CHID1: variants seen among roughly 807,000 people sequenced by gnomAD.
The protein encoded by CHID1 is chitinase domain containing 1.
Under a neutral mutation model 55.4 loss-of-function variants are expected in CHID1, and 44 were observed. The ratio of observed to expected loss-of-function variants is 0.79; its 90% CI spans 0.62 to 1.02. The LOEUF is 1.02. Ranked by LOEUF, CHID1 falls within the 50% of genes least tolerant of loss-of-function variation. The pLI is 0.00. For missense variants in CHID1, 491 were observed against 515.3 expected (o/e 0.95, Z 0.46); for synonymous variants, 216 against 212.9 (o/e 1.01, Z -0.13).
At chr11:895,301 G>A (rs545509639) in intron 7 of CHID1, among the ~76,000 whole-genome samples, 75 of 152,252 alleles carry the variant, frequency 4.9e-4, no homozygotes, top group African/African-American at 1.8e-3. Flanking sequence ...GGGCCAAAAG[G>A]TGCCCCCAGC....
intron 9 of CHID1, among the ~76,000 whole-genome samples, chr11:883,806 C>T (rs548227365): frequency 3.9e-5 from 6 of 152,256 alleles, no homozygotes; most frequent in Non-Finnish European, 8.8e-5. Flanking sequence ...CGGCATCGGG[C>T]AGCAGCAGGA....
At chr11:882,365 A>G (rs1344409386) in intron 10 of CHID1, 1 of 152,270 alleles carries the variant, frequency 6.6e-6, no homozygotes, top group Non-Finnish European at 1.5e-5. Context: ...TGTATTCGTG[A>G]GCTGTGGGAC....
upstream of CHID1, chr11:914,756 G>A (rs1026163226): frequency 8.8e-6 from 3 of 342,504 alleles, no homozygotes; most frequent in African/African-American, 4.4e-5. Flanking sequence ...CCTGGTTGTT[G>A]GAGGTGCCTG....
chr11:872,727 T>TC (rs1849258665), intron 10 of CHID1, among the ~76,000 whole-genome samples: 2 of 152,110 alleles, frequency 1.3e-5, no homozygotes, highest in African/African-American at 4.8e-5. Flanking sequence ...ATTTGCAGCG[T>TC]CCCCCCTCAA....
At chr11:902,829 C>T in intron 3 of CHID1, 133 bp downstream of exon 3, 1 of 844,046 alleles carries the variant, frequency 1.2e-6, no homozygotes, top group East Asian at 2.6e-5. Context: ...ACCGTAGCCT[C>T]ACAGCAGCAG....
In CHID1 at chr11:891,417, G is replaced by A. The variant is rs188651203; in HGVS notation, c.701+2010C>T. ...AATGGAGTTGTGAGCTTTGGTTGCT[G>A]TGGGGTGAGGGGCAGGGACCTGGCC... On this transcript the variant is annotated intron_variant, in intron 8 of 12. Coordinates refer to ENST00000323578, the MANE Select transcript of CHID1 (RefSeq NM_023947.4). Among the ~76,000 whole-genome samples the A allele has an allele frequency of 2.0e-3, 306 of 152,332 alleles. 2 individuals carry two copies. The highest frequency in any genetic ancestry group is 7.1e-3 in the African/African-American group (295 of 41,566).
intron 10 of CHID1, among the ~76,000 whole-genome samples, chr11:871,728 G>A (rs961758005): frequency 2.6e-5 from 4 of 152,244 alleles, no homozygotes; most frequent in African/African-American, 2.4e-5. Context: ...CTGCAGGGGC[G>A]CAGGGACCTG....
intron 10 of CHID1, among the ~76,000 whole-genome samples, chr11:878,368 C>G (rs537539647): frequency 4.4e-4 from 67 of 152,000 alleles, no homozygotes; most frequent in Admixed American, 6.5e-4. Flanking sequence ...GAGCTGAGAT[C>G]ACACCACTGC....
chr11:901,719 C>T (rs1381181730), intron 4 of CHID1, among the ~76,000 whole-genome samples: 5 of 152,196 alleles, frequency 3.3e-5, no homozygotes, highest in Admixed American at 2.0e-4. Flanking sequence ...ACCCTCACAG[C>T]CACCTGGACC....
intron 8 of CHID1, 61 bp downstream of exon 8, chr11:893,366 T>C: frequency 7.1e-7 from 1 of 1,413,516 alleles, no homozygotes; most frequent in Non-Finnish European, 9.7e-7. Context: ...CACCCTGCAC[T>C]GGCTGCCCCC....
chr11:892,936 C>T (rs1219637510), intron 8 of CHID1, among the ~76,000 whole-genome samples: 2 of 152,250 alleles, frequency 1.3e-5, no homozygotes, highest in Non-Finnish European at 2.9e-5. Flanking sequence ...CTGTGAGTCC[C>T]TCTAGCCAAC....
At chr11:904,909 C>G in intron 1 of CHID1, 50 bp from the exon 2 acceptor site, 1 of 1,591,582 alleles carries the variant, frequency 6.3e-7, no homozygotes, top group South Asian at 1.1e-5. Flanking sequence ...AAATGCAGCA[C>G]ATGGGCAACC....
chr11:883,197 T>G lies in CHID1; in HGVS notation c.910A>C (p.Met304Leu). The change falls in exon 10 of 13, where the codon ATG becomes CTG. Residue 304 changes from methionine (M) to leucine (L), a missense_variant. Physicochemically the swap from Met to Leu is conservative, Grantham distance 15. Transcript: ENST00000323578. ...GCATCCTTGGAGGTCGCGTAGTCCA[T>G]ACCATAGAAGTTGAGCCCCAGGAGG... is the stretch of plus-strand genomic sequence containing the variant. ...KILLGLNFYG[M>L]DYATSKDARE... is the part of the protein sequence containing the mutation. The G allele has an allele frequency of 6.2e-7, 1 of 1,614,158 alleles. No individual in the cohort carries two copies.
At chr11:899,512 C>A in intron 6 of CHID1, 111 bp from the exon 7 acceptor site, 1 of 1,006,172 alleles carries the variant, frequency 9.9e-7, no homozygotes. Flanking sequence ...CCTGGTCACT[C>A]ACGAGGCAAG....
At chr11:887,557 CT>C (rs1296140294) in intron 8 of CHID1, among the ~76,000 whole-genome samples, 3 of 152,218 alleles carry the variant, frequency 2.0e-5, no homozygotes, top group African/African-American at 7.2e-5. Flanking sequence ...TGGGCCTTTG[CT>C]GCCCCTAGGA....
chr11:912,963 A>G (rs1429874671), upstream of CHID1, among the ~76,000 whole-genome samples: 2 of 152,224 alleles, frequency 1.3e-5, no homozygotes, highest in Non-Finnish European at 2.9e-5. Flanking sequence ...AAGTGTTAGC[A>G]TTCCTGTATT....
At chr11:910,584 C>T in intron 1 of CHID1, 191 bp downstream of exon 1, 1 of 1,204,212 alleles carries the variant, frequency 8.3e-7, no homozygotes, top group Admixed American at 3.1e-5. Context: ...CCCTCTCTCA[C>T]CCTCGTCCTC....
In CHID1 at chr11:869,213, C is replaced by T. The variant is rs1315491360; in HGVS notation, c.*645G>A. The stretch of plus-strand genomic sequence containing the variant: ...CCAGGCTGGCCTGGGGGTCGTGCTA[C>T]CTGAGGCGGCAGAGCTGAGCCAAGG... On this transcript the variant is annotated 3_prime_UTR_variant, in exon 13 of 13. Coordinates refer to ENST00000323578, the MANE Select transcript of CHID1 (RefSeq NM_023947.4). The T allele has an allele frequency of 6.5e-6, 1 of 153,428 alleles. No individual in the cohort carries two copies. Among genetic ancestry groups the T allele is most frequent in the Non-Finnish European group, 1.4e-5 (1 of 69,010 alleles). 9.5% of individuals were successfully genotyped at this position (153,428 alleles called of 1,614,324 possible). A position where few individuals can be genotyped will look rare whatever the true frequency, so the allele number is the denominator to read the frequency against.
chr11:914,580 A>G, upstream of CHID1: 1 of 1,289,298 alleles, frequency 7.8e-7, no homozygotes, highest in Non-Finnish European at 1.0e-6. Flanking sequence ...CCTCAAAAGC[A>G]CTCGAAGGCT....
Sources: gnomAD v4.1 joint callset for allele counts (sites outside exome capture counted in the v4.1 genomes callset) on GRCh38, gnomAD v4.1.1 for gene constraint, MANE v1.5 for transcripts, NCBI Gene and HGNC (gene_info 2026-07-23, HGNC 2026-07-21) for gene names.